IFT56: variants seen among roughly 807,000 people sequenced by gnomAD.
IFT56 encodes intraflagellar transport 56, also known as intraflagellar transport protein 56.
At chr7:139,160,772 T>C in the IFT56 span, among the ~76,000 whole-genome samples, 1 of 152,326 alleles carries the variant, frequency 6.6e-6, no homozygotes, top group East Asian at 1.9e-4. Context: ...ATTGTTTTCA[T>C]TTATTATTGC....
chr7:139,142,242 G>T, the IFT56 span: 3 of 1,613,168 alleles, frequency 1.9e-6, no homozygotes, highest in Non-Finnish European at 2.5e-6. Context: ...AAGCAGCTTG[G>T]ATTTTTTTTT....
the IFT56 span, chr7:139,191,468 A>G: frequency 1.3e-5 from 2 of 152,180 alleles, no homozygotes; most frequent in Non-Finnish European, 2.9e-5. Flanking sequence ...GTGAATTGCT[A>G]TTATTTTCAA....
chr7:139,137,939 G>A, the IFT56 span: 1 of 1,604,830 alleles, frequency 6.2e-7, no homozygotes. Context: ...GAGCTCTGGA[G>A]GTTAGTGTAA....
At chr7:139,153,851 T>C in the IFT56 span, among the ~76,000 whole-genome samples, 1 of 152,230 alleles carries the variant, frequency 6.6e-6, no homozygotes, top group African/African-American at 2.4e-5. Flanking sequence ...CTCAGGTTTA[T>C]ACCTAGGAGT....
chr7:139,157,148 T>TC, the IFT56 span, among the ~76,000 whole-genome samples: 15 of 103,178 alleles, frequency 1.5e-4, no homozygotes, highest in African/African-American at 8.1e-4. Flanking sequence ...TCTTTTTTTT[T>TC]TTTTTTTTTT....
the IFT56 span, among the ~76,000 whole-genome samples, chr7:139,149,442 C>G: frequency 1.3e-5 from 2 of 151,884 alleles, no homozygotes; most frequent in African/African-American, 4.8e-5. Flanking sequence ...TATTCTAACC[C>G]AGGAGTTTCT....
the IFT56 span, chr7:139,134,677 C>T: frequency 6.2e-7 from 1 of 1,612,398 alleles, no homozygotes; most frequent in Middle Eastern, 1.7e-4. Context: ...GCCAAACCTG[C>T]TGTAGGCAGA....
At chr7:139,185,677 G>C in the IFT56 span, among the ~76,000 whole-genome samples, 1 of 152,002 alleles carries the variant, frequency 6.6e-6, no homozygotes, top group Non-Finnish European at 1.5e-5. Flanking sequence ...TTATGGTCTG[G>C]AAGTGACACA....
the IFT56 span, chr7:139,179,448 G>T: frequency 1.5e-6 from 1 of 661,272 alleles, no homozygotes; most frequent in Non-Finnish European, 2.7e-6. Context: ...ACTTTTCTTA[G>T]CAGCCTGTAT....
chr7:139,169,496 G>A, the IFT56 span: 1 of 676,314 alleles, frequency 1.5e-6, no homozygotes, highest in Non-Finnish European at 2.5e-6. Context: ...GAGAATATTG[G>A]AATTAGTTCT....
the IFT56 span, chr7:139,168,417 T>C: frequency 2.9e-5 from 46 of 1,597,214 alleles, no homozygotes; most frequent in African/African-American, 3.5e-4. Flanking sequence ...AAATCACTGA[T>C]AATCTATAGG....
chr7:139,179,814 A>G, the IFT56 span, among the ~76,000 whole-genome samples: 1 of 152,230 alleles, frequency 6.6e-6, no homozygotes, highest in Non-Finnish European at 1.5e-5. Flanking sequence ...AAGAGTTGCC[A>G]TGTAAATGTG....
chr7:139,184,134 C>T, the IFT56 span, among the ~76,000 whole-genome samples: 1 of 152,238 alleles, frequency 6.6e-6, no homozygotes, highest in African/African-American at 2.4e-5. Context: ...CAGGAACCTT[C>T]ACCACGGCCC....
the IFT56 span, among the ~76,000 whole-genome samples, chr7:139,170,955 A>G: frequency 6.6e-6 from 1 of 152,206 alleles, no homozygotes. Flanking sequence ...AAAAACCTAA[A>G]AACTCCACCA....
the IFT56 span, chr7:139,169,500 TA>T: frequency 4.5e-6 from 3 of 668,362 alleles, no homozygotes; most frequent in Non-Finnish European, 7.8e-6. Flanking sequence ...ATATTGGAAT[TA>T]GTTCTTCTCA....
chr7:139,177,773 T>C, the IFT56 span, among the ~76,000 whole-genome samples: 1 of 152,060 alleles, frequency 6.6e-6, no homozygotes, highest in Admixed American at 6.6e-5. Context: ...AGGAATCCAG[T>C]ATCAGGCAAA....
the IFT56 span, chr7:139,165,224 C>T: frequency 1.9e-6 from 3 of 1,611,994 alleles, no homozygotes; most frequent in Non-Finnish European, 2.5e-6. Flanking sequence ...TGATTTACTA[C>T]CTTCGTCAAG....
At chr7:139,161,054 C>A in the IFT56 span, 1 of 1,571,818 alleles carries the variant, frequency 6.4e-7, no homozygotes, top group South Asian at 1.1e-5. Context: ...TGACTGAGTT[C>A]AGTCCTACTC....
At chr7:139,173,784 A>G in the IFT56 span, 1 of 751,034 alleles carries the variant, frequency 1.3e-6, no homozygotes, top group East Asian at 2.5e-5. Context: ...TGAAAGTTTC[A>G]CTAACCATTT....
Sources: allele counts gnomAD v4.1 joint callset (sites outside exome capture counted in the v4.1 genomes callset), GRCh38; gene constraint gnomAD v4.1.1; transcripts MANE v1.5; gene names NCBI Gene and HGNC (gene_info 2026-07-23, HGNC 2026-07-21).